The following PPP2R2B variants were observed in gnomAD, a reference collection of about 807,000 sequenced individuals.
PPP2R2B encodes the protein serine/threonine-protein phosphatase 2A 55 kDa regulatory subunit B beta isoform.
In PPP2R2B, 5 loss-of-function variants were observed where a neutral mutation model predicts 46.0. The observed-to-expected ratio is 0.11, with a 90% CI of 0.06 to 0.23. The LOEUF (loss-of-function observed/expected upper bound fraction) is 0.23, where lower values mean the gene tolerates loss of function less well. Among genes scored for constraint, PPP2R2B ranks in the 10% least tolerant of loss-of-function variants. PPP2R2B has a pLI of 1.00. For synonymous variants in PPP2R2B, 215 were observed against 206.7 expected (o/e 1.04, Z -0.34); for missense variants, 367 against 575.0 (o/e 0.64, Z 3.70).
intron 1 of PPP2R2B, among the ~76,000 whole-genome samples, chr5:146,983,176 A>ACTTTTT (rs1753254155): frequency 3.7e-5 from 3 of 80,856 alleles, no homozygotes; most frequent in Non-Finnish European, 6.6e-5. Flanking sequence ...TTTCCAGAGC[A>ACTTTTT]TTTTTTTTTT....
At chr5:146,931,679 G>C (rs552333450) in intron 1 of PPP2R2B, among the ~76,000 whole-genome samples, 1 of 152,118 alleles carries the variant, frequency 6.6e-6, no homozygotes, top group Admixed American at 6.6e-5. Flanking sequence ...AAAACCTGGG[G>C]ATAAGTTGGG....
chr5:147,065,020 C>T (rs1561609115), intron 2 of PPP2R2B, among the ~76,000 whole-genome samples: 1 of 152,202 alleles, frequency 6.6e-6, no homozygotes, highest in African/African-American at 2.4e-5. Context: ...CATTAGCATA[C>T]ACCAGGCATG....
At chr5:147,048,057 G>A (rs931839117) in intron 1 of PPP2R2B, among the ~76,000 whole-genome samples, 5 of 152,158 alleles carry the variant, frequency 3.3e-5, no homozygotes, top group Non-Finnish European at 7.3e-5. Flanking sequence ...ATTCAATAGG[G>A]CTGTGGTAGA....
At chr5:146,969,939 C>A (rs950144297) in intron 1 of PPP2R2B, among the ~76,000 whole-genome samples, 3 of 152,142 alleles carry the variant, frequency 2.0e-5, no homozygotes, top group Non-Finnish European at 4.4e-5. Context: ...AAGCTCAGGG[C>A]ACATATCTGG....
chr5:146,826,049 T>C (rs549772592), intron 2 of PPP2R2B, among the ~76,000 whole-genome samples: 21 of 152,164 alleles, frequency 1.4e-4, no homozygotes, highest in Non-Finnish European at 2.8e-4. Context: ...AGCTGTAAAA[T>C]TTATATCCGG....
chr5:146,831,080 C>T (rs949897820), intron 2 of PPP2R2B, among the ~76,000 whole-genome samples: 1 of 151,994 alleles, frequency 6.6e-6, no homozygotes, highest in African/African-American at 2.4e-5. Flanking sequence ...CCGTTATGTA[C>T]AGTATGTGAT....
At chr5:146,861,190 G>A (rs1021312431) in intron 2 of PPP2R2B, among the ~76,000 whole-genome samples, 2 of 151,582 alleles carry the variant, frequency 1.3e-5, no homozygotes, top group Non-Finnish European at 2.9e-5. Flanking sequence ...TGAGTAGCTG[G>A]GACTACAGGT....
At position 146,851,105 on chromosome 5, in the gene PPP2R2B, T is replaced by A. The variant is rs1473770356; in HGVS notation, c.70+26897A>T. 2.0e-5 allele frequency among the ~76,000 whole-genome samples: 3 copies of A among 152,236 alleles called. No individual in the cohort carries two copies. The East Asian group carries it at 5.8e-4, about 29-fold the overall frequency. On this transcript the variant is annotated intron_variant, in intron 2 of 9. Coordinates refer to ENST00000394411, the MANE Select transcript of PPP2R2B (RefSeq NM_181675.4). ...ATTCAATATTACATAGAAGTGGACATAAGAGGACATGAAGAAACAATCTCA... is the reference window on the plus strand; with the variant it reads ...ATTCAATATTACATAGAAGTGGACAAAAGAGGACATGAAGAAACAATCTCA...
intron 1 of PPP2R2B, among the ~76,000 whole-genome samples, chr5:146,998,829 G>A (rs1754035022): frequency 6.6e-6 from 1 of 151,684 alleles, no homozygotes; most frequent in Admixed American, 6.6e-5. Context: ...GAGGGATTCA[G>A]CAAAACCTAG....
chr5:146,906,135 G>A (rs1351301507), intron 1 of PPP2R2B, among the ~76,000 whole-genome samples: 1 of 151,904 alleles, frequency 6.6e-6, no homozygotes, highest in Non-Finnish European at 1.5e-5. Flanking sequence ...AGATATGTTG[G>A]AAGTGTAAAA....
intron 2 of PPP2R2B, among the ~76,000 whole-genome samples, chr5:146,787,382 A>T (rs1269134391): frequency 6.6e-6 from 1 of 152,164 alleles, no homozygotes; most frequent in Non-Finnish European, 1.5e-5. Context: ...TTAACATTTA[A>T]AAATTGTATG....
rs138470432 is a variant in PPP2R2B at position 146,875,031 on chromosome 5, G to A, written c.70+2971C>T. On this transcript the variant is annotated intron_variant, in intron 2 of 9. Transcript: ENST00000394411. The stretch of plus-strand genomic sequence containing the variant: ...GAGCTGATGGTTAAAGGAAAATGAA[G>A]TAGTGCAGAATTTCCTAGTGGGAGA... Among the ~76,000 whole-genome samples the A allele has an allele frequency of 7.1e-3, 1,074 of 152,286 alleles. 4 individuals are homozygous for A. The highest frequency in any genetic ancestry group is 0.012 in the Non-Finnish European group (839 of 68,028).
chr5:146,590,396 G>GTGTT (rs1554109973), intron 9 of PPP2R2B, among the ~76,000 whole-genome samples, 170 bp from the exon 10 acceptor site: 9 of 125,764 alleles, frequency 7.2e-5, no homozygotes, highest in African/African-American at 1.9e-4. Context: ...TTTTTTTTTT[G>GTGTT]TGTTTTTTTT....
chr5:146,634,580 C>T (rs534834156), intron 7 of PPP2R2B, among the ~76,000 whole-genome samples: 19 of 152,204 alleles, frequency 1.2e-4, no homozygotes, highest in African/African-American at 4.3e-4. Flanking sequence ...GGTGATCTGC[C>T]CGCCTCAGCC....
chr5:147,071,794 C>T (rs552353583), intron 2 of PPP2R2B, among the ~76,000 whole-genome samples: 366 of 152,284 alleles, frequency 2.4e-3, no homozygotes, highest in African/African-American at 8.4e-3. Flanking sequence ...TTGTTTATTA[C>T]GTCTATTGTC....
At chr5:147,029,238 A>G (rs1755668528) in intron 1 of PPP2R2B, among the ~76,000 whole-genome samples, 1 of 152,114 alleles carries the variant, frequency 6.6e-6, no homozygotes, top group South Asian at 2.1e-4. Flanking sequence ...AAGGTTGTCA[A>G]TATTTTATCT....
chr5:147,017,771 G>A (rs972679105), intron 1 of PPP2R2B, among the ~76,000 whole-genome samples: 1 of 152,006 alleles, frequency 6.6e-6, no homozygotes, highest in African/African-American at 2.4e-5. Flanking sequence ...GAGTGAGAAG[G>A]AAAACAAGAC....
chr5:146,886,196 G>C (rs1028722218), intron 1 of PPP2R2B, among the ~76,000 whole-genome samples: 1 of 151,916 alleles, frequency 6.6e-6, no homozygotes, highest in African/African-American at 2.4e-5. Flanking sequence ...AAAATTAGCC[G>C]GGCGTGGTGG....
intron 5 of PPP2R2B, among the ~76,000 whole-genome samples, chr5:146,684,194 A>G (rs1778350954): frequency 1.3e-5 from 2 of 152,226 alleles, no homozygotes; most frequent in Admixed American, 1.3e-4. Flanking sequence ...TGAAGCCCCC[A>G]GAGCAGCAAT....
Sources: allele counts gnomAD v4.1 joint callset (sites outside exome capture counted in the v4.1 genomes callset), GRCh38; gene constraint gnomAD v4.1.1; transcripts MANE v1.5; gene names NCBI Gene and HGNC (gene_info 2026-07-23, HGNC 2026-07-21).